CAST: variants seen among roughly 807,000 people sequenced by gnomAD.
CAST encodes calpastatin, also known as MIR583 host.
In CAST, 76 loss-of-function variants were observed where a neutral mutation model predicts 119.6. That is an observed-to-expected ratio of 0.64 (90% confidence interval 0.53 to 0.77). CAST has a LOEUF of 0.77. Among genes scored for constraint, CAST ranks in the 30% least tolerant of loss-of-function variants. The pLI is 0.00. For missense variants in CAST, 953 were observed against 946.5 expected, an observed-to-expected ratio of 1.01 and a Z score of -0.09; for synonymous variants, 319 against 331.6, an observed-to-expected ratio of 0.96 and a Z score of 0.41.
the CAST span, among the ~76,000 whole-genome samples, chr5:96,452,681 T>G: frequency 7.9e-6 from 1 of 127,382 alleles, no homozygotes; most frequent in African/African-American, 3.1e-5. Context: ...CCGGGCGCGG[T>G]GGCTCACGCC....
the CAST span, among the ~76,000 whole-genome samples, chr5:96,089,607 C>G: frequency 6.6e-6 from 1 of 152,128 alleles, no homozygotes; most frequent in Non-Finnish European, 1.5e-5. Flanking sequence ...AAGGGGAAGA[C>G]CAATACTGCC....
At chr5:96,423,532 A>G in the CAST span, 2 of 1,316,320 alleles carry the variant, frequency 1.5e-6, no homozygotes, top group Admixed American at 1.7e-5. Flanking sequence ...TTCAGTTCCA[A>G]CCTGGAGACC....
the CAST span, among the ~76,000 whole-genome samples, chr5:96,293,735 CATAAT>C: frequency 6.6e-6 from 1 of 152,056 alleles, no homozygotes; most frequent in Admixed American, 6.6e-5. Flanking sequence ...TATAGTGATG[CATAAT>C]ATAAGTAAAT....
At chr5:96,649,058 A>T (rs1031346169) in intron 1 of CAST, among the ~76,000 whole-genome samples, 1 of 152,186 alleles carries the variant, frequency 6.6e-6, no homozygotes, top group African/African-American at 2.4e-5. Context: ...TGTCTTTTTA[A>T]AAATGTTAGC....
intron 2 of CAST, among the ~76,000 whole-genome samples, chr5:96,692,118 T>C (rs1396485182): frequency 6.6e-6 from 1 of 152,216 alleles, no homozygotes; most frequent in Non-Finnish European, 1.5e-5. Flanking sequence ...TTCTACTTAC[T>C]GTGAGTAGAT....
At chr5:96,490,357 T>TGTGA in the CAST span, among the ~76,000 whole-genome samples, 1 of 125,218 alleles carries the variant, frequency 8.0e-6, no homozygotes, top group East Asian at 2.0e-4. Context: ...TGTGTGTCTG[T>TGTGA]GTGTGTGTGT....
rs1751242039 is a variant in CAST, at chr5:96,680,372, A to AAAAAAAAAAAAAAAAAAAAAAAAAAAAC, written c.138+4778_138+4779insAAAAAAAAAAAAAAAAAAAACAAAAAAA. On this transcript the variant is annotated intron_variant, in intron 2 of 31. Coordinates refer to ENST00000675179, the MANE Select transcript of CAST (RefSeq NM_001750.7). ...TCTGTCTCAAAAAAAAAAAAAAAAA[A>AAAAAAAAAAAAAAAAAAAAAAAAAAAAC]AAAAAAAGAAGAAGAAGAAAAGAAA... 1.6e-5 allele frequency among the ~76,000 whole-genome samples: 2 copies of AAAAAAAAAAAAAAAAAAAAAAAAAAAAC among 126,966 alleles called. 1 individual carries two copies. The highest frequency in any genetic ancestry group is 3.4e-5 in the Non-Finnish European group (2 of 58,560). The allele number at this position is 126,966 out of a possible 152,430, so 83.3% of individuals were successfully genotyped here. A position where few individuals can be genotyped will look rare whatever the true frequency, so the allele number is the denominator to read the frequency against.
chr5:96,361,937 A>G, the CAST span, among the ~76,000 whole-genome samples: 1 of 149,278 alleles, frequency 6.7e-6, no homozygotes, highest in East Asian at 2.0e-4. Flanking sequence ...TGCACCCATT[A>G]ACTTGTCATT....
chr5:96,274,354 G>C, the CAST span, among the ~76,000 whole-genome samples: 8 of 151,852 alleles, frequency 5.3e-5, no homozygotes, highest in Admixed American at 1.3e-4. Context: ...TGCCCACCCC[G>C]GCCTCCCAAA....
At chr5:96,653,608 G>C (rs1307383668) in intron 1 of CAST, among the ~76,000 whole-genome samples, 1 of 152,224 alleles carries the variant, frequency 6.6e-6, no homozygotes, top group Non-Finnish European at 1.5e-5. Context: ...CTAGATTAGA[G>C]TAAGCAAAAG....
At chr5:96,305,628 A>G in the CAST span, among the ~76,000 whole-genome samples, 4 of 152,098 alleles carry the variant, frequency 2.6e-5, no homozygotes, top group Non-Finnish European at 5.9e-5. Flanking sequence ...GATACCTTCC[A>G]TCGATACCTA....
chr5:96,447,287 A>C, the CAST span, among the ~76,000 whole-genome samples: 3 of 152,222 alleles, frequency 2.0e-5, no homozygotes, highest in African/African-American at 7.2e-5. Context: ...CTGAGAGAGC[A>C]CCAGTGGACT....
intron 1 of CAST, among the ~76,000 whole-genome samples, chr5:96,579,735 T>C (rs1228396522): frequency 6.6e-6 from 1 of 152,232 alleles, no homozygotes; most frequent in Admixed American, 6.5e-5. Context: ...TACAGTTCAT[T>C]GTAGTTCATG....
the CAST span, chr5:96,394,916 T>C: frequency 6.2e-7 from 1 of 1,614,160 alleles, no homozygotes; most frequent in Non-Finnish European, 8.5e-7. Context: ...CTGAACAGTG[T>C]TGTAGGACGT....
rs1053334944 is a variant in CAST at position 96,662,469 on chromosome 5, G to A, written c.47G>A (p.Arg16Gln). ...CCCGCCGCCTCCCCGCGGCCCCGGC[G>A]AGCAGCCGCCGCCCGCCGCACCCAT... ...QKPAASPRPR[R>Q]AAAARRTHEH... is the part of the protein sequence containing the mutation. Residue 16 changes from arginine (R) to glutamine (Q), a missense_variant, in exon 1 of 32, where the codon CGA (arginine) becomes CAA (glutamine). By Grantham distance (43) the Arg-to-Gln change is conservative (BLOSUM62 1). Transcript: ENST00000675179. The A allele has an allele frequency of 3.5e-6, 5 of 1,432,624 alleles. No homozygotes were observed. The highest frequency in any genetic ancestry group is 3.0e-5 in the African/African-American group (2 of 67,250). 88.7% of individuals were successfully genotyped at this position (1,432,624 alleles called of 1,614,324 possible). A position where few individuals can be genotyped will look rare whatever the true frequency, so the allele number is the denominator to read the frequency against.
the CAST span, among the ~76,000 whole-genome samples, chr5:96,425,007 GA>G: frequency 3.3e-4 from 22 of 66,944 alleles, no homozygotes; most frequent in Middle Eastern, 0.032. Flanking sequence ...GAGAAAGAAA[GA>G]AAAGAAAGAA....
intron 1 of CAST, among the ~76,000 whole-genome samples, chr5:96,577,143 C>T (rs987699312): frequency 2.0e-5 from 3 of 152,048 alleles, no homozygotes; most frequent in Non-Finnish European, 2.9e-5. Context: ...TCATCCATGT[C>T]CCAGTTTGTG....
chr5:96,075,562 A>C, the CAST span, among the ~76,000 whole-genome samples: 1 of 152,206 alleles, frequency 6.6e-6, no homozygotes, highest in African/African-American at 2.4e-5. Flanking sequence ...CAAACTGCCA[A>C]TTAATTGACC....
At chr5:96,388,297 C>T in the CAST span, among the ~76,000 whole-genome samples, 2 of 152,350 alleles carry the variant, frequency 1.3e-5, no homozygotes, top group Admixed American at 1.3e-4. Flanking sequence ...CTTAGTTAGA[C>T]TGTTCTCTCT....
Sources: allele counts gnomAD v4.1 joint callset (sites outside exome capture counted in the v4.1 genomes callset), GRCh38; gene constraint gnomAD v4.1.1; transcripts MANE v1.5; gene names NCBI Gene and HGNC (gene_info 2026-07-23, HGNC 2026-07-21).